RBFOX1: variants seen among roughly 807,000 people sequenced by gnomAD.
The protein encoded by RBFOX1 is RNA binding protein fox-1 homolog 1.
RBFOX1 carries 8 observed loss-of-function variants against 57.7 expected under a neutral mutation model. That is an observed-to-expected ratio of 0.14 (90% CI 0.08 to 0.25). The LOEUF (loss-of-function observed/expected upper bound fraction) is 0.25. Ranked by LOEUF, RBFOX1 falls within the 10% of genes least tolerant of loss-of-function variation. The probability of loss-of-function intolerance (pLI) is 1.00; values close to 1 mark genes in which losing one functional copy is unlikely to be tolerated. For synonymous variants in RBFOX1, 326 were observed against 222.4 expected (o/e 1.47, Z -4.15); for missense variants, 611 against 548.5 (o/e 1.11, Z -1.14).
intron 4 of RBFOX1, among the ~76,000 whole-genome samples, chr16:7,290,157 G>T (rs945452628): frequency 6.6e-6 from 1 of 152,120 alleles, no homozygotes; most frequent in Non-Finnish European, 1.5e-5. Context: ...GAGATAAAAG[G>T]AGCAGGATAA....
chr16:6,626,702 G>A (rs940477848), intron 2 of RBFOX1, among the ~76,000 whole-genome samples: 8 of 152,260 alleles, frequency 5.3e-5, no homozygotes, highest in Non-Finnish European at 1.5e-5. Flanking sequence ...AGAGGTTGCA[G>A]TGAGCCAAGA....
At chr16:7,232,522 C>G (rs1029615769) in intron 4 of RBFOX1, among the ~76,000 whole-genome samples, 3 of 152,204 alleles carry the variant, frequency 2.0e-5, no homozygotes, top group African/African-American at 4.8e-5. Context: ...CCACGTAATT[C>G]TTATTTAATG....
chr16:5,493,996 C>A (rs2042918545), intron 2 of RBFOX1, among the ~76,000 whole-genome samples: 1 of 152,124 alleles, frequency 6.6e-6, no homozygotes, highest in Admixed American at 6.5e-5. Flanking sequence ...AGATAAACAG[C>A]CTTCTTGTGG....
At chr16:5,519,787 T>C (rs2043940951) in intron 2 of RBFOX1, among the ~76,000 whole-genome samples, 1 of 152,204 alleles carries the variant, frequency 6.6e-6, no homozygotes, top group South Asian at 2.1e-4. Flanking sequence ...CCTGGGCGAC[T>C]TGTTCCCTGA....
Position 7,085,560 on chromosome 16 carries a change from G to C in RBFOX1, c.27+33462G>C, listed in dbSNP as rs1030318197. Among the ~76,000 whole-genome samples the C allele has an allele frequency of 2.0e-5, 3 of 152,064 alleles. No individual in the cohort carries two copies. The South Asian group carries it at 6.2e-4, about 32-fold the overall frequency. On this transcript the variant is annotated intron_variant, in intron 4 of 15. Coordinates refer to ENST00000550418, the MANE Select transcript of RBFOX1 (RefSeq NM_018723.4). ...ATAGATACAGAGCACGTGTTCAGTA[G>C]AATATTTGTGGAATCAATGAATGAA...
At chr16:5,877,581 A>G (rs718453) in intron 4 of RBFOX1, among the ~76,000 whole-genome samples, 7,540 of 152,324 alleles carry the variant, frequency 0.049, 258 homozygotes, top group Admixed American at 0.072. Flanking sequence ...TTGCCCAGGA[A>G]ATAATTCAAG....
At chr16:6,942,097 C>T (rs772978604) in intron 3 of RBFOX1, among the ~76,000 whole-genome samples, 8 of 151,996 alleles carry the variant, frequency 5.3e-5, no homozygotes, top group Non-Finnish European at 8.8e-5. Context: ...AAATTAGCCA[C>T]GTGCAGTGGT....
chr16:6,455,937 T>A (rs1253695784), intron 2 of RBFOX1, among the ~76,000 whole-genome samples: 1 of 152,170 alleles, frequency 6.6e-6, no homozygotes, highest in African/African-American at 2.4e-5. Flanking sequence ...AAGATTTCAT[T>A]TTTTCCAATT....
At chr16:5,938,166 C>A (rs1432812780) in intron 4 of RBFOX1, among the ~76,000 whole-genome samples, 1 of 152,002 alleles carries the variant, frequency 6.6e-6, no homozygotes, top group Non-Finnish European at 1.5e-5. Context: ...AACCTGGAAC[C>A]AAAAAATACT....
rs151088146 is a variant in RBFOX1, at chr16:5,576,815, C to G, written c.259-22087C>G. Among the ~76,000 whole-genome samples, 1,168 of 151,230 alleles carry G rather than the reference C, an allele frequency of 7.7e-3. 7 individuals are homozygous for G. Among genetic ancestry groups the G allele is most frequent in the Middle Eastern group, 0.037 (11 of 294 alleles). ...TTCAGATATCTTGGGGAATAAGAAG[C>G]TGAAGGGTCTGAGCGCTAGAGAACT... is the stretch of plus-strand genomic sequence containing the variant. On this transcript the variant is annotated intron_variant, in intron 2 of 2. Coordinates refer to the RBFOX1 transcript ENST00000585867.
intron 2 of RBFOX1, among the ~76,000 whole-genome samples, chr16:5,510,614 G>A (rs2043550373): frequency 6.6e-6 from 1 of 152,116 alleles, no homozygotes; most frequent in African/African-American, 2.4e-5. Flanking sequence ...ATGAAAAATG[G>A]GGGCTAGCAA....
At chr16:6,755,297 G>A (rs2154194402) in intron 3 of RBFOX1, among the ~76,000 whole-genome samples, 1 of 152,202 alleles carries the variant, frequency 6.6e-6, no homozygotes, top group South Asian at 2.1e-4. Context: ...CACAATGGTT[G>A]AACTAGTTTA....
At chr16:6,158,781 CT>C (rs2096856519) in intron 1 of RBFOX1, among the ~76,000 whole-genome samples, 1 of 152,128 alleles carries the variant, frequency 6.6e-6, no homozygotes, top group Admixed American at 6.6e-5. Context: ...AATTATATTG[CT>C]CTGGGAAACT....
chr16:6,368,529 A>T (rs1476177947), intron 2 of RBFOX1, among the ~76,000 whole-genome samples: 8 of 152,106 alleles, frequency 5.3e-5, no homozygotes, highest in Non-Finnish European at 1.2e-4. Context: ...CTTCCAATTC[A>T]TGGAACCTCC....
At chr16:6,697,690 C>G (rs910079181) in intron 3 of RBFOX1, among the ~76,000 whole-genome samples, 3 of 152,106 alleles carry the variant, frequency 2.0e-5, no homozygotes, top group Non-Finnish European at 4.4e-5. Flanking sequence ...CCATGGCGAA[C>G]AAATGAAGTT....
At chr16:5,792,711 C>G (rs1205990577) in intron 3 of RBFOX1, among the ~76,000 whole-genome samples, 1 of 152,092 alleles carries the variant, frequency 6.6e-6, no homozygotes, top group Non-Finnish European at 1.5e-5. Context: ...GGCATGGTGG[C>G]ATGTGCCTGT....
intron 3 of RBFOX1, among the ~76,000 whole-genome samples, chr16:7,034,827 C>CTTTT (rs113413414): frequency 1.8e-5 from 1 of 54,108 alleles, no homozygotes; most frequent in African/African-American, 8.9e-5. Context: ...TATTGCATTA[C>CTTTT]TTTTTTTTTT....
chr16:5,523,590 C>G (rs2044113540), intron 2 of RBFOX1, among the ~76,000 whole-genome samples: 1 of 152,026 alleles, frequency 6.6e-6, no homozygotes, highest in African/African-American at 2.4e-5. Context: ...GCACTGCAGC[C>G]TGGATGACAA....
At chr16:5,372,237 A>G (rs2065876173) in intron 1 of RBFOX1, among the ~76,000 whole-genome samples, 1 of 152,152 alleles carries the variant, frequency 6.6e-6, no homozygotes, top group African/African-American at 2.4e-5. Flanking sequence ...GAAGGGTTTC[A>G]CGGGTCCACT....
Sources: allele counts gnomAD v4.1 joint callset (sites outside exome capture counted in the v4.1 genomes callset), GRCh38; gene constraint gnomAD v4.1.1; transcripts MANE v1.5; gene names NCBI Gene and HGNC (gene_info 2026-07-23, HGNC 2026-07-21).